The following NAALADL2 variants were observed in gnomAD, a reference collection of about 807,000 sequenced individuals.
NAALADL2 encodes N-acetylated alpha-linked acidic dipeptidase like 2.
NAALADL2 carries 76 observed loss-of-function variants against 87.2 expected under a neutral mutation model. That is an observed-to-expected ratio of 0.87 (90% CI 0.72 to 1.05). The LOEUF is 1.05. Ranked by LOEUF, NAALADL2 falls within the 50% of genes least tolerant of loss-of-function variation. The pLI, the probability that NAALADL2 is intolerant of heterozygous loss-of-function variation, is 0.00. For synonymous variants in NAALADL2, 354 were observed against 331.0 expected, an observed-to-expected ratio of 1.07 and a Z score of -0.75; for missense variants, 1,089 against 945.8, an observed-to-expected ratio of 1.15 and a Z score of -1.99.
chr3:175,424,082 T>G (rs1223711132), intron 5 of NAALADL2, among the ~76,000 whole-genome samples: 2 of 152,216 alleles, frequency 1.3e-5, no homozygotes, highest in South Asian at 4.1e-4. Context: ...AAGTGTCTGT[T>G]CATATCCTTC....
chr3:174,739,344 C>T (rs762593741), intron 3 of NAALADL2, among the ~76,000 whole-genome samples: 1 of 151,944 alleles, frequency 6.6e-6, no homozygotes, highest in Non-Finnish European at 1.5e-5. Context: ...TGTTTTGGCT[C>T]AGTTTAAGTC....
At chr3:174,746,759 C>T (rs1380090763) in intron 3 of NAALADL2, among the ~76,000 whole-genome samples, 2 of 152,094 alleles carry the variant, frequency 1.3e-5, no homozygotes, top group Non-Finnish European at 2.9e-5. Flanking sequence ...AAATAGAGAT[C>T]TCAGAAATAA....
chr3:175,432,384 T>TA (rs1290579812), intron 5 of NAALADL2, among the ~76,000 whole-genome samples: 1 of 152,018 alleles, frequency 6.6e-6, no homozygotes, highest in Non-Finnish European at 1.5e-5. Context: ...TCAAAACTTC[T>TA]AAAATCCCCT....
At chr3:174,670,337 A>G (rs1293209747) in intron 2 of NAALADL2, among the ~76,000 whole-genome samples, 2 of 152,196 alleles carry the variant, frequency 1.3e-5, no homozygotes, top group Non-Finnish European at 2.9e-5. Flanking sequence ...GAAGTGTTTA[A>G]TTACCTTTTT....
chr3:175,077,351 A>C (rs1246584157), intron 1 of NAALADL2, among the ~76,000 whole-genome samples: 1 of 152,240 alleles, frequency 6.6e-6, no homozygotes, highest in Non-Finnish European at 1.5e-5. Flanking sequence ...AAAGGAAAAG[A>C]AAAGCAGAAA....
At chr3:175,169,487 T>C (rs115409248) in intron 2 of NAALADL2, among the ~76,000 whole-genome samples, 5,326 of 151,152 alleles carry the variant, frequency 0.035, 301 homozygotes, top group African/African-American at 0.12. Context: ...TGTTGACATA[T>C]ACAAATGATA....
intron 1 of NAALADL2, among the ~76,000 whole-genome samples, chr3:174,940,872 C>A (rs141037080): frequency 1.3e-5 from 2 of 151,724 alleles, no homozygotes; most frequent in East Asian, 3.9e-4. Flanking sequence ...TTTCTCATTT[C>A]TAATTGTGTT....
At chr3:174,605,623 A>T (rs908818940) in intron 2 of NAALADL2, among the ~76,000 whole-genome samples, 1 of 152,114 alleles carries the variant, frequency 6.6e-6, no homozygotes, top group African/African-American at 2.4e-5. Flanking sequence ...AGGGGCGCCC[A>T]CCATTGCCCA....
intron 3 of NAALADL2, among the ~76,000 whole-genome samples, chr3:174,796,873 G>C (rs1161681315): frequency 2.0e-5 from 3 of 151,592 alleles, no homozygotes; most frequent in African/African-American, 7.3e-5. Context: ...TGTATTCCTT[G>C]TAAATTCTGG....
In NAALADL2 at chr3:175,062,921, T is replaced by A. The variant is rs1487065708; in HGVS notation, c.44-33869T>A. The stretch of plus-strand genomic sequence containing the variant: ...TATTAAACTCCCCTTCCTATTTCAC[T>A]TATAAATATATCTCTGGAGAAAGAA... On this transcript the variant is annotated intron_variant, in intron 1 of 13. Coordinates refer to ENST00000454872, the MANE Select transcript of NAALADL2 (RefSeq NM_207015.3). Among the ~76,000 whole-genome samples, 4 of 152,298 alleles carry A rather than the reference T, an allele frequency of 2.6e-5. No homozygotes were observed. The East Asian group carries it at 7.7e-4, about 29-fold the overall frequency.
intron 3 of NAALADL2, among the ~76,000 whole-genome samples, chr3:174,787,096 A>G (rs1716769155): frequency 6.6e-6 from 1 of 151,992 alleles, no homozygotes; most frequent in Non-Finnish European, 1.5e-5. Context: ...CAAATACAAT[A>G]TATTGCTTTA....
intron 1 of NAALADL2, among the ~76,000 whole-genome samples, chr3:174,441,839 C>T (rs1292673205): frequency 1.3e-5 from 2 of 151,146 alleles, no homozygotes; most frequent in African/African-American, 4.9e-5. Flanking sequence ...TACATTTCAA[C>T]CTATGGTCCT....
At chr3:175,613,162 A>G (rs554393160) in intron 10 of NAALADL2, among the ~76,000 whole-genome samples, 5 of 152,230 alleles carry the variant, frequency 3.3e-5, no homozygotes, top group South Asian at 2.1e-4. Context: ...CAGAACATCT[A>G]TCTCCCCAAA....
intron 2 of NAALADL2, among the ~76,000 whole-genome samples, chr3:174,578,263 T>C (rs753156715): frequency 5.8e-4 from 88 of 151,960 alleles, no homozygotes; most frequent in Non-Finnish European, 2.1e-4. Context: ...AATAATTGAT[T>C]TTTATATCCA....
chr3:175,614,541 A>C (rs1307520439), intron 10 of NAALADL2, among the ~76,000 whole-genome samples: 1 of 152,174 alleles, frequency 6.6e-6, no homozygotes, highest in Non-Finnish European at 1.5e-5. Context: ...AACTCTGTTA[A>C]GCCTCCTGCC....
chr3:175,081,897 T>G (rs2109247387), intron 1 of NAALADL2, among the ~76,000 whole-genome samples: 1 of 152,354 alleles, frequency 6.6e-6, no homozygotes, highest in South Asian at 2.1e-4. Context: ...CTTAATAATC[T>G]TAAAGGCAAT....
chr3:175,022,249 T>C (rs1398939336), intron 1 of NAALADL2, among the ~76,000 whole-genome samples: 1 of 152,028 alleles, frequency 6.6e-6, no homozygotes, highest in Non-Finnish European at 1.5e-5. Flanking sequence ...TTTACTGCAA[T>C]GCATGATGGA....
intron 1 of NAALADL2, among the ~76,000 whole-genome samples, chr3:174,971,665 CTG>C (rs10662918): frequency 0.27 from 39,415 of 144,590 alleles, 6,005 homozygotes; most frequent in South Asian, 0.5. Flanking sequence ...GTATGCTAGA[CTG>C]TGTGTGTGTG....
intron 2 of NAALADL2, among the ~76,000 whole-genome samples, chr3:174,712,404 T>C (rs1730736164): frequency 6.9e-6 from 1 of 144,552 alleles, no homozygotes; most frequent in East Asian, 2.0e-4. Context: ...TTTTTTTTTT[T>C]TGAGACAGAG....
Sources: gnomAD v4.1 joint callset for allele counts (sites outside exome capture counted in the v4.1 genomes callset) on GRCh38, gnomAD v4.1.1 for gene constraint, MANE v1.5 for transcripts, NCBI Gene and HGNC (gene_info 2026-07-23, HGNC 2026-07-21) for gene names.